The following DYNC1H1 variants were observed in gnomAD, a reference collection of about 807,000 sequenced individuals.
The protein encoded by DYNC1H1 is cytoplasmic dynein 1 heavy chain 1.
Under a neutral mutation model 527.1 loss-of-function variants are expected in DYNC1H1, and 51 were observed. The ratio of observed to expected loss-of-function variants is 0.10; its 90% CI spans 0.08 to 0.12. The LOEUF is 0.12. DYNC1H1 is among the 10% of genes least tolerant of loss of function. The pLI is 1.00. For synonymous variants in DYNC1H1, 2,189 were observed against 2,278.8 expected (o/e 0.96, Z 1.12); for missense variants, 2,771 against 5,971.8 (o/e 0.46, Z 17.66).
chr14:101,995,383 G>A (rs971513234), intron 15 of DYNC1H1, 83 bp downstream of exon 15: 25 of 1,547,982 alleles, frequency 1.6e-5, no homozygotes, highest in Admixed American at 6.7e-5. Context: ...AGGCCGAGGC[G>A]GGCGGATCAC....
chr14:102,011,143 A>G lies in DYNC1H1; in HGVS notation c.6618+191A>G. 1.5e-6 allele frequency: 1 copy of G among 665,482 alleles called. No individual in the cohort carries two copies. Among genetic ancestry groups the G allele is most frequent in the East Asian group, 2.8e-5 (1 of 36,062 alleles). 41.2% of individuals were successfully genotyped at this position (665,482 alleles called of 1,614,324 possible). On this transcript the variant is annotated intron_variant, in intron 32 of 77. Coordinates refer to ENST00000360184, the MANE Select transcript of DYNC1H1 (RefSeq NM_001376.5). The surrounding 1 kb of genome is among the most constrained non-coding windows in gnomAD (Gnocchi z 5.3). The stretch of plus-strand genomic sequence containing the variant: ...GTTGTTTAAATGAAGAGGAAACAAT[A>G]CTTAACCTGAAAATTTTACATGATA...
At position 102,018,424 on chromosome 14, in the gene DYNC1H1, G is replaced by A; in HGVS notation, c.8178-27G>A. On this transcript the variant is annotated intron_variant, in intron 40 of 77. Transcript: ENST00000360184. This position sits in a 1 kb window ranked among gnomAD's most constrained non-coding sequence, Gnocchi z 5.2. ...TCCTGGGAGGCGCTGTCAGGGAGGG[G>A]CGCTGAGCGGGGCTATCTGTGCACA... 6.2e-7 allele frequency: 1 copy of A among 1,610,536 alleles called. No individual in the cohort carries two copies. Among genetic ancestry groups the A allele is most frequent in the South Asian group, 1.1e-5 (1 of 90,904 alleles).
chr14:101,968,514 G>A (rs111695979), intron 1 of DYNC1H1, among the ~76,000 whole-genome samples: 20 of 152,016 alleles, frequency 1.3e-4, no homozygotes, highest in African/African-American at 4.8e-4. Context: ...GATTACAGGT[G>A]TGAGCTACCA....
At chr14:101,966,771 C>G (rs2047672799) in intron 1 of DYNC1H1, among the ~76,000 whole-genome samples, 1 of 151,996 alleles carries the variant, frequency 6.6e-6, no homozygotes, top group Non-Finnish European at 1.5e-5. Context: ...CTAGAGTGAT[C>G]ACCAGTAATT....
In DYNC1H1 at chr14:102,029,366, G is replaced by A; in HGVS notation, c.9469-173G>A. ...GGCTTAGAGAGGTTTGGAAGTGTAA[G>A]GGGTATCTCGAAAGCTCTAAGTGGC... On this transcript the variant is annotated intron_variant, in intron 48 of 77. Coordinates refer to ENST00000360184, the MANE Select transcript of DYNC1H1 (RefSeq NM_001376.5). The surrounding 1 kb of genome is among the most constrained non-coding windows in gnomAD (Gnocchi z 5.3). 1.4e-6 allele frequency: 1 copy of A among 732,896 alleles called. No individual in the cohort carries two copies. The highest frequency in any genetic ancestry group is 2.3e-6 in the Non-Finnish European group (1 of 440,530). The allele number at this position is 732,896 out of a possible 1,614,324, so 45.4% of individuals were successfully genotyped here. A position where few individuals can be genotyped will look rare whatever the true frequency, so the allele number is the denominator to read the frequency against.
chr14:102,012,455 C>T lies in DYNC1H1; in HGVS notation c.6999C>T (p.Leu2333=). The change falls in exon 34 of 78, where the codon CTC becomes CTT. Residue 2333 remains leucine, a synonymous_variant. Transcript: ENST00000360184. This position sits in a 1 kb window ranked among gnomAD's most constrained non-coding sequence, Gnocchi z 4.9. The stretch of plus-strand genomic sequence containing the variant: ...TAACTTTGCCCAATGGAGAGCGCCT[C>T]AGTCTTCCACCCAATGTAAGTAGCC... ...KLLTLPNGER[L]SLPPNVRIMF... is the part of the protein sequence containing the mutation. 6.2e-7 allele frequency: 1 copy of T among 1,614,194 alleles called. No homozygotes were observed. The highest frequency in any genetic ancestry group is 2.2e-5 in the East Asian group (1 of 44,882).
At position 102,017,247 on chromosome 14, in the gene DYNC1H1, G is replaced by A; in HGVS notation, c.8008G>A (p.Asp2670Asn). The A allele has an allele frequency of 1.2e-6, 2 of 1,614,234 alleles. No homozygotes were observed. Among genetic ancestry groups the A allele is most frequent in the Non-Finnish European group, 1.7e-6 (2 of 1,180,042 alleles). Residue 2670 changes from aspartate to asparagine, a missense_variant, in exon 39 of 78, where the codon GAT (aspartate) becomes AAT (asparagine). Physicochemically the swap from Asp to Asn is conservative, Grantham distance 23 (BLOSUM62 1). Transcript: ENST00000360184. The surrounding 1 kb of genome is among the most constrained non-coding windows in gnomAD (Gnocchi z 4.6). ...GTTCTGTGATGAAATCAACTTGCCA[G>A]ATATGGATAAATATGGGACCCAGAG... ...VLFCDEINLP[D>N]MDKYGTQRVI...
At position 101,997,242 on chromosome 14, in the gene DYNC1H1, C is replaced by T. The variant is rs765355532; in HGVS notation, c.3772C>T (p.Leu1258=). Residue 1258 remains leucine, a synonymous_variant, in exon 16 of 78, where the codon CTG becomes TTG. Coordinates refer to ENST00000360184, the MANE Select transcript of DYNC1H1 (RefSeq NM_001376.5). This position sits in a 1 kb window ranked among gnomAD's most constrained non-coding sequence, Gnocchi z 4.8. Reference sequence around the variant, plus strand: ...CGTGGAAAGCCGCACCACCGACCTGCTGACTGACTGGGAGAAGACCAAGCC... The same window carrying T: ...CGTGGAAAGCCGCACCACCGACCTGTTGACTGACTGGGAGAAGACCAAGCC... ...RAVESRTTDL[L]TDWEKTKPVT... 2 of 1,614,074 alleles carry T rather than the reference C, an allele frequency of 1.2e-6. No homozygotes were observed. Among genetic ancestry groups the T allele is most frequent in the South Asian group, 2.2e-5 (2 of 91,050 alleles).
chr14:101,996,140 T>C lies in DYNC1H1; in HGVS notation c.3564+840T>C, dbSNP rs867526407. On this transcript the variant is annotated intron_variant, in intron 15 of 77. Coordinates refer to ENST00000360184, the MANE Select transcript of DYNC1H1 (RefSeq NM_001376.5). ...TTTTTCTTTTCTTTTCTTTTCTTTT[T>C]TTTTTTTGAGATGGAGTCTCGCTCT... Among the ~76,000 whole-genome samples, 77 of 151,790 alleles carry C rather than the reference T, an allele frequency of 5.1e-4. 1 individual carries two copies. Among genetic ancestry groups the C allele is most frequent in the Middle Eastern group, 6.8e-3 (2 of 294 alleles).
rs960445838 is a variant in DYNC1H1 at position 102,042,799 on chromosome 14, G to T, written c.12513+51G>T. On this transcript the variant is annotated intron_variant, in intron 69 of 77. Transcript: ENST00000360184. The surrounding 1 kb of genome is among the most constrained non-coding windows in gnomAD (Gnocchi z 5.7). ...CTTTCCCCATAGAAGCTAAAGCCCAGTCCCATCACCAAATGCAGAAGTGGG... is the reference window on the plus strand; with the variant it reads ...CTTTCCCCATAGAAGCTAAAGCCCATTCCCATCACCAAATGCAGAAGTGGG... The T allele has an allele frequency of 6.9e-6, 11 of 1,599,108 alleles. No individual in the cohort carries two copies. The highest frequency in any genetic ancestry group is 9.4e-6 in the Non-Finnish European group (11 of 1,171,008).
chr14:102,000,677 C>A, intron 18 of DYNC1H1: 1 of 499,196 alleles, frequency 2.0e-6, no homozygotes, highest in Non-Finnish European at 3.6e-6. Context: ...CGGGTTCAAG[C>A]GATTCTCCTG....
Position 101,985,690 on chromosome 14 carries a change from A to G in DYNC1H1, c.1465A>G (p.Thr489Ala). The part of the protein sequence containing the change: ...VIVRVLRPQV[T>A]AVAQQNQGEV... ...ATTACATATCTTTCTCCTTTAGGTC[A>G]CGGCAGTTGCACAACAGAATCAAGG... Residue 489 changes from threonine (T) to alanine (A), a missense_variant, in exon 8 of 78, where the codon ACG becomes GCG. Around this residue, in one of 32 missense-constraint regions of DYNC1H1, gnomAD observed 264 missense variants for 619.4 expected, o/e 0.43. Coordinates refer to ENST00000360184, the MANE Select transcript of DYNC1H1 (RefSeq NM_001376.5). The surrounding 1 kb of genome is among the most constrained non-coding windows in gnomAD (Gnocchi z 5.9). 1 of 1,614,180 alleles carries G rather than the reference A, an allele frequency of 6.2e-7. No individual in the cohort carries two copies. Among genetic ancestry groups the G allele is most frequent in the Non-Finnish European group, 8.5e-7 (1 of 1,180,028 alleles).
rs780745783 is a variant in DYNC1H1 at position 101,971,085 on chromosome 14, C to CTTT, written c.257-4599_257-4597dup. ...CTACTCAGGAGAGGGCCGTATCATT[C>CTTT]TTTTTTTTTTTTTTTTTTTTTTTTT... On this transcript the variant is annotated intron_variant, in intron 1 of 77. Coordinates refer to ENST00000360184, the MANE Select transcript of DYNC1H1 (RefSeq NM_001376.5). 9.2e-4 allele frequency among the ~76,000 whole-genome samples: 59 copies of CTTT among 64,078 alleles called. 2 individuals carry two copies. Among genetic ancestry groups the CTTT allele is most frequent in the Non-Finnish European group, 1.3e-3 (46 of 34,640 alleles). 42.0% of individuals were successfully genotyped at this position (64,078 alleles called of 152,430 possible).
chr14:102,000,679 A>AT (rs941746493), intron 18 of DYNC1H1: 48 of 499,552 alleles, frequency 9.6e-5, no homozygotes, highest in Non-Finnish European at 1.7e-4. Flanking sequence ...GGTTCAAGCG[A>AT]TTCTCCTGCC....
chr14:102,022,711 C>T, intron 42 of DYNC1H1, 40 bp from the exon 43 acceptor site: 2 of 1,613,606 alleles, frequency 1.2e-6, no homozygotes, highest in African/African-American at 1.3e-5. Flanking sequence ...CTTCACCGTG[C>T]CCTCTAGTTA....
chr14:102,044,615 G>A lies in DYNC1H1; in HGVS notation c.12923G>A (p.Trp4308Ter). 1 of 1,614,192 alleles carries A rather than the reference G, an allele frequency of 6.2e-7. No individual in the cohort carries two copies. The highest frequency in any genetic ancestry group is 8.5e-7 in the Non-Finnish European group (1 of 1,180,038). ...DGIRREEFVQ[W>*]VELLPDTQTP... The stretch of plus-strand genomic sequence containing the variant: ...TCTAGGCGAGAGGAGTTTGTGCAGT[G>A]GGTGGAGTTGCTCCCCGACACCCAG... Residue 4308 changes from tryptophan to a stop codon, truncating the protein, a stop_gained, in exon 72 of 78, where the codon TGG (tryptophan) becomes TAG (stop). Coordinates refer to ENST00000360184, the MANE Select transcript of DYNC1H1 (RefSeq NM_001376.5). LOFTEE classifies it high-confidence loss of function. The surrounding 1 kb of genome is among the most constrained non-coding windows in gnomAD (Gnocchi z 7.1).
At chr14:101,982,622 C>T (rs1019822559) in intron 5 of DYNC1H1, among the ~76,000 whole-genome samples, 4 of 152,036 alleles carry the variant, frequency 2.6e-5, no homozygotes, top group African/African-American at 7.2e-5. Flanking sequence ...ATAAAGTGCA[C>T]AATAAATGTA....
chr14:102,044,504 C>T lies in DYNC1H1; in HGVS notation c.12902+13C>T. ...CAGATGGCATCAGGTATGCTGCTGC[C>T]TGCTGGAATGGAGACAGTTGTGATG... On this transcript the variant is annotated intron_variant, in intron 71 of 77. Coordinates refer to ENST00000360184, the MANE Select transcript of DYNC1H1 (RefSeq NM_001376.5). The surrounding 1 kb of genome is among the most constrained non-coding windows in gnomAD (Gnocchi z 7.1). 1 of 1,614,196 alleles carries T rather than the reference C, an allele frequency of 6.2e-7. No homozygotes were observed. Among genetic ancestry groups the T allele is most frequent in the African/African-American group, 1.3e-5 (1 of 75,068 alleles).
rs539461578 is a variant in DYNC1H1 at position 102,042,560 on chromosome 14, C to A, written c.12399+53C>A. 22 of 1,613,664 alleles carry A rather than the reference C, an allele frequency of 1.4e-5. No homozygotes were observed. The highest frequency in any genetic ancestry group is 1.9e-5 in the Non-Finnish European group (22 of 1,179,836). Reference sequence around the variant, plus strand: ...GCAGGCTGGCCTGGCACTGTGCTGTCGGCACGTGTGTGGTGGAATTGAACA... The same window carrying A: ...GCAGGCTGGCCTGGCACTGTGCTGTAGGCACGTGTGTGGTGGAATTGAACA... On this transcript the variant is annotated intron_variant, in intron 68 of 77. Transcript: ENST00000360184. The surrounding 1 kb of genome is among the most constrained non-coding windows in gnomAD (Gnocchi z 5.7).
Sources: gnomAD v4.1 joint callset for allele counts (sites outside exome capture counted in the v4.1 genomes callset) on GRCh38, gnomAD v4.1.1 for gene constraint, gnomAD v4.1.1 regional missense constraint, Gnocchi (gnomAD v3.1) non-coding constraint, MANE v1.5 for transcripts, NCBI Gene and HGNC (gene_info 2026-07-23, HGNC 2026-07-21) for gene names.